Variants in ATP9A observed in about 807,000 individuals in gnomAD.
ATP9A encodes the protein ATPase phospholipid transporting 9A.
A neutral mutation model predicts 144.1 loss-of-function variants in ATP9A; 52 were observed. The observed-to-expected ratio is 0.36, with a 90% CI of 0.29 to 0.45. The LOEUF (loss-of-function observed/expected upper bound fraction) is 0.45. ATP9A is among the 20% of genes least tolerant of loss of function. The probability of loss-of-function intolerance (pLI) is 1.00; values close to 1 mark genes in which losing one functional copy is unlikely to be tolerated. For missense variants in ATP9A, 947 were observed against 1,392.7 expected, an observed-to-expected ratio of 0.68 and a Z score of 5.09; for synonymous variants, 582 against 557.4, an observed-to-expected ratio of 1.04 and a Z score of -0.62.
chr20:51,766,390 C>T (rs935131019), intron 1 of ATP9A, among the ~76,000 whole-genome samples: 2 of 152,196 alleles, frequency 1.3e-5, no homozygotes, highest in African/African-American at 4.8e-5. Flanking sequence ...GGAGTGGCTC[C>T]TGCACATAGT....
chr20:51,724,201 A>T (rs2077702586), intron 3 of ATP9A, among the ~76,000 whole-genome samples: 1 of 152,114 alleles, frequency 6.6e-6, no homozygotes, highest in Non-Finnish European at 1.5e-5. Context: ...TAAAAACGTT[A>T]ATGAGATTTA....
intron 13 of ATP9A, among the ~76,000 whole-genome samples, chr20:51,659,220 C>A (rs1418624241): frequency 6.6e-6 from 1 of 152,128 alleles, no homozygotes; most frequent in Non-Finnish European, 1.5e-5. Flanking sequence ...CTTGCCTTCC[C>A]GTTGCAAGTC....
At chr20:51,689,935 A>AC (rs1478909401) in intron 8 of ATP9A, among the ~76,000 whole-genome samples, 1 of 150,076 alleles carries the variant, frequency 6.7e-6, no homozygotes, top group East Asian at 2.0e-4. Context: ...ACATGGTGAA[A>AC]CCCCGTCTCT....
At chr20:51,687,071 T>C (rs1157575717) in intron 9 of ATP9A, among the ~76,000 whole-genome samples, 5 of 151,366 alleles carry the variant, frequency 3.3e-5, no homozygotes, top group African/African-American at 4.9e-5. Flanking sequence ...ATAAAAAGAG[T>C]AATTAATTAT....
chr20:51,697,305 A>T, intron 5 of ATP9A, 119 bp downstream of exon 5: 2 of 855,288 alleles, frequency 2.3e-6, no homozygotes, highest in Non-Finnish European at 1.8e-6. Flanking sequence ...TTTTCTCCCC[A>T]GGCAAAGTTT....
intron 10 of ATP9A, 150 bp downstream of exon 10, chr20:51,675,982 T>C: frequency 1.7e-6 from 1 of 575,664 alleles, no homozygotes; most frequent in Non-Finnish European, 3.1e-6. Flanking sequence ...TATATGTATT[T>C]ATTGCATACA....
intron 1 of ATP9A, among the ~76,000 whole-genome samples, chr20:51,766,134 CA>C (rs1443715766): frequency 2.0e-5 from 3 of 152,174 alleles, no homozygotes; most frequent in African/African-American, 7.2e-5. Flanking sequence ...ACAATATTTG[CA>C]TTTTTCTTTC....
intron 1 of ATP9A, among the ~76,000 whole-genome samples, chr20:51,745,883 T>C (rs2077805818): frequency 6.6e-6 from 1 of 152,042 alleles, no homozygotes; most frequent in African/African-American, 2.4e-5. Flanking sequence ...CGCACACAAA[T>C]GTTCACTACA....
At chr20:51,760,564 T>C (rs903176368) in intron 1 of ATP9A, among the ~76,000 whole-genome samples, 3 of 151,208 alleles carry the variant, frequency 2.0e-5, no homozygotes, top group Admixed American at 2.0e-4. Context: ...CCGTCTCTAC[T>C]AAAACTACAA....
rs550168823 is a variant in ATP9A, at chr20:51,653,310, G to A, written c.1506+3628C>T. On this transcript the variant is annotated intron_variant, in intron 14 of 27. Coordinates refer to ENST00000338821, the MANE Select transcript of ATP9A (RefSeq NM_006045.3). ...AGAAAAAGCGGCCGAGAAGTGCAAA[G>A]CATTCCATGAAAGATTTATCCTCAT... 3.3e-5 allele frequency among the ~76,000 whole-genome samples: 5 copies of A among 152,044 alleles called. No homozygotes were observed. The South Asian group carries it at 1.0e-3, about 32-fold the overall frequency.
At chr20:51,652,740 G>A (rs2426345) in intron 14 of ATP9A, among the ~76,000 whole-genome samples, 68,342 of 151,974 alleles carry the variant, frequency 0.45, 16,847 homozygotes, top group East Asian at 0.8. Flanking sequence ...TTACTTTTCT[G>A]ATCAATGCAT....
chr20:51,684,740 GTGGCTCACGCC>G (rs1228471328), intron 9 of ATP9A, among the ~76,000 whole-genome samples: 4 of 150,354 alleles, frequency 2.7e-5, no homozygotes, highest in Non-Finnish European at 5.9e-5. Flanking sequence ...CCTGGGCGCG[GTGGCTCACGCC>G]TGTAATCCCA....
At chr20:51,725,681 C>G in intron 3 of ATP9A, 138 bp downstream of exon 3, 1 of 617,962 alleles carries the variant, frequency 1.6e-6, no homozygotes, top group Admixed American at 2.8e-5. Flanking sequence ...GTCTCAGAGA[C>G]TCCCAATGTA....
intron 14 of ATP9A, among the ~76,000 whole-genome samples, chr20:51,646,364 G>A (rs1020125196): frequency 6.6e-6 from 1 of 152,200 alleles, no homozygotes; most frequent in African/African-American, 2.4e-5. Flanking sequence ...TACGAGGCGG[G>A]AATGTGACAT....
At chr20:51,754,202 T>TACAGAAAA (rs1161987440) in intron 1 of ATP9A, among the ~76,000 whole-genome samples, 2 of 151,972 alleles carry the variant, frequency 1.3e-5, no homozygotes, top group African/African-American at 2.4e-5. Context: ...CAATCTCAGA[T>TACAGAAAA]ACAGAAAAGG....
At chr20:51,675,418 GC>G (rs1272725874) in intron 10 of ATP9A, among the ~76,000 whole-genome samples, 4 of 152,196 alleles carry the variant, frequency 2.6e-5, no homozygotes, top group South Asian at 2.1e-4. Context: ...ACATGGGCCT[GC>G]CCCGTCCTCA....
intron 9 of ATP9A, among the ~76,000 whole-genome samples, chr20:51,686,242 C>T (rs2077522374): frequency 6.6e-6 from 1 of 151,974 alleles, no homozygotes; most frequent in Non-Finnish European, 1.5e-5. Context: ...GGAGGGATAG[C>T]ATTAGGAGAT....
At chr20:51,741,450 G>A (rs1269162101) in intron 1 of ATP9A, among the ~76,000 whole-genome samples, 1 of 152,116 alleles carries the variant, frequency 6.6e-6, no homozygotes, top group Non-Finnish European at 1.5e-5. Context: ...GGTGGCGCAT[G>A]CCTGTAATCT....
chr20:51,608,753 C>T lies in ATP9A; in HGVS notation c.2637-127G>A, dbSNP rs75528976. The T allele has an allele frequency of 3.0e-3, 1,981 of 659,938 alleles. 14 individuals are homozygous for T. The highest frequency in any genetic ancestry group is 0.023 in the African/African-American group (1,291 of 55,664). 40.9% of individuals were successfully genotyped at this position (659,938 alleles called of 1,614,324 possible). A position where few individuals can be genotyped will look rare whatever the true frequency, so the allele number is the denominator to read the frequency against. On this transcript the variant is annotated intron_variant, in intron 24 of 27. Transcript: ENST00000338821. Reference sequence around the variant, plus strand: ...TATTTACTGCTTGTCTATTATGCTCCGGGGCTGGCTGTAAGCACCAGAAAC... The same window carrying T: ...TATTTACTGCTTGTCTATTATGCTCTGGGGCTGGCTGTAAGCACCAGAAAC...
Sources: gnomAD v4.1 joint callset for allele counts (sites outside exome capture counted in the v4.1 genomes callset) on GRCh38, gnomAD v4.1.1 for gene constraint, MANE v1.5 for transcripts, NCBI Gene and HGNC (gene_info 2026-07-23, HGNC 2026-07-21) for gene names.